Variants in IL1RAPL1 observed in about 807,000 individuals in gnomAD.
The protein encoded by IL1RAPL1 is interleukin-1 receptor accessory protein-like 1.
In IL1RAPL1, 3 loss-of-function variants were observed where a neutral mutation model predicts 48.4. That is an observed-to-expected ratio of 0.06 (90% CI 0.03 to 0.16). The LOEUF is 0.16. Ranked by LOEUF, IL1RAPL1 falls within the 10% of genes least tolerant of loss-of-function variation. The pLI is 1.00. For synonymous variants in IL1RAPL1, 185 were observed against 187.7 expected, an observed-to-expected ratio of 0.99 and a Z score of 0.12; for missense variants, 349 against 530.6, an observed-to-expected ratio of 0.66 and a Z score of 3.36.
intron 6 of IL1RAPL1, among the ~76,000 whole-genome samples, chrX:29,883,477 T>TA (rs199843577): frequency 1.8e-5 from 2 of 111,752 alleles, no homozygotes; most frequent in African/African-American, 3.3e-5. Context: ...TAGACCATTA[T>TA]AAAAAAACAT....
intron 2 of IL1RAPL1, among the ~76,000 whole-genome samples, chrX:29,111,227 G>A (rs998270517): frequency 5.3e-4 from 59 of 111,221 alleles, no homozygotes; most frequent in African/African-American, 1.8e-3. Context: ...AGATAACTGC[G>A]CTTCTGAATT....
At chrX:29,173,239 A>G (rs1258211765) in intron 2 of IL1RAPL1, among the ~76,000 whole-genome samples, 2 of 111,779 alleles carry the variant, frequency 1.8e-5, no homozygotes, top group African/African-American at 3.3e-5. Flanking sequence ...AATCAGTATT[A>G]TTTTTGGATT....
At chrX:29,378,402 T>G (rs1266335493) in intron 3 of IL1RAPL1, among the ~76,000 whole-genome samples, 9 of 111,977 alleles carry the variant, frequency 8.0e-5, no homozygotes, top group Admixed American at 7.6e-4. Context: ...TAAGAAGCAT[T>G]GCTGGGGAGC....
At chrX:28,807,976 G>T (rs780353134) in intron 2 of IL1RAPL1, among the ~76,000 whole-genome samples, 1 of 111,039 alleles carries the variant, frequency 9.0e-6, no homozygotes, top group Non-Finnish European at 1.9e-5. Context: ...AGTAGGAGAA[G>T]CTTCTGAGGC....
intron 6 of IL1RAPL1, among the ~76,000 whole-genome samples, chrX:29,743,841 T>G (rs1928267738): frequency 8.9e-6 from 1 of 112,241 alleles, no homozygotes; most frequent in African/African-American, 3.2e-5. Context: ...TGCTGTTATA[T>G]TAGGTTAGCA....
chrX:28,884,752 A>G (rs1922588887), intron 2 of IL1RAPL1, among the ~76,000 whole-genome samples: 1 of 111,891 alleles, frequency 8.9e-6, no homozygotes, highest in Non-Finnish European at 1.9e-5. Context: ...TTATTATTTT[A>G]TCATTCAGAC....
chrX:28,789,288 T>G, intron 1 of IL1RAPL1, 32 bp from the exon 2 acceptor site: 1 of 839,251 alleles, frequency 1.2e-6, no homozygotes, highest in Non-Finnish European at 1.8e-6. Flanking sequence ...TTAAAACATG[T>G]ATGTTTTTCT....
At chrX:29,382,410 G>C (rs905535762) in intron 3 of IL1RAPL1, among the ~76,000 whole-genome samples, 2 of 111,951 alleles carry the variant, frequency 1.8e-5, no homozygotes, top group Non-Finnish European at 3.8e-5. Flanking sequence ...TGATCTTATA[G>C]TATTGACAGA....
intron 2 of IL1RAPL1, among the ~76,000 whole-genome samples, chrX:29,262,220 T>C (rs1265273457): frequency 8.9e-6 from 1 of 112,732 alleles, no homozygotes; most frequent in Middle Eastern, 4.2e-3. Context: ...GTTACTATTA[T>C]TTTGTTCTAG....
intron 5 of IL1RAPL1, among the ~76,000 whole-genome samples, chrX:29,501,711 A>G (rs1461808695): frequency 9.2e-6 from 1 of 108,174 alleles, no homozygotes; most frequent in African/African-American, 3.4e-5. Flanking sequence ...TTTGGTTACT[A>G]TGTCTTTGTA....
chrX:29,238,369 T>C (rs1931348005), intron 2 of IL1RAPL1, among the ~76,000 whole-genome samples: 1 of 112,112 alleles, frequency 8.9e-6, no homozygotes, highest in Non-Finnish European at 1.9e-5. Flanking sequence ...AGCTACAATG[T>C]TTTCAACATC....
intron 2 of IL1RAPL1, among the ~76,000 whole-genome samples, chrX:29,197,288 G>C (rs5985971): frequency 0.099 from 11,030 of 110,995 alleles, 1,328 homozygotes; most frequent in African/African-American, 0.34. Context: ...TGTAACCAAG[G>C]CTTGATTTAG....
At chrX:28,940,172 C>A (rs1924130072) in intron 2 of IL1RAPL1, among the ~76,000 whole-genome samples, 1 of 111,426 alleles carries the variant, frequency 9.0e-6, no homozygotes, top group Non-Finnish European at 1.9e-5. Flanking sequence ...CCTCTTATTA[C>A]CTTTTCCTCT....
intron 2 of IL1RAPL1, among the ~76,000 whole-genome samples, chrX:28,928,296 C>A (rs1211420397): frequency 8.9e-6 from 1 of 111,854 alleles, no homozygotes; most frequent in Admixed American, 9.6e-5. Flanking sequence ...CTTATTACTT[C>A]TCACCTAGAC....
chrX:29,712,210 T>A (rs1397207671), intron 6 of IL1RAPL1, among the ~76,000 whole-genome samples: 2 of 110,361 alleles, frequency 1.8e-5, no homozygotes, highest in Non-Finnish European at 3.8e-5. Flanking sequence ...ATACCAACTA[T>A]GTAATCACCT....
chrX:29,397,628 A>T (rs1462182241), intron 4 of IL1RAPL1, among the ~76,000 whole-genome samples: 1 of 110,434 alleles, frequency 9.1e-6, no homozygotes, highest in Non-Finnish European at 1.9e-5. Context: ...TCTTATCCTT[A>T]ACCACCCTCA....
intron 5 of IL1RAPL1, among the ~76,000 whole-genome samples, chrX:29,577,590 T>G (rs186786750): frequency 1.8e-5 from 2 of 112,138 alleles, no homozygotes; most frequent in Non-Finnish European, 3.8e-5. Context: ...ATGATATATA[T>G]GAACAAGTTT....
intron 2 of IL1RAPL1, among the ~76,000 whole-genome samples, chrX:28,865,282 A>G (rs192638905): frequency 9.0e-6 from 1 of 110,723 alleles, no homozygotes; most frequent in East Asian, 2.9e-4. Flanking sequence ...TACTAAAAAT[A>G]CAAAAATTAG....
At chrX:29,057,993 C>G (rs1359979713) in intron 2 of IL1RAPL1, among the ~76,000 whole-genome samples, 2 of 111,636 alleles carry the variant, frequency 1.8e-5, no homozygotes, top group Non-Finnish European at 3.8e-5. Flanking sequence ...AAATGACGAC[C>G]AGGACTTAGA....
Sources: allele counts gnomAD v4.1 joint callset (sites outside exome capture counted in the v4.1 genomes callset), GRCh38; gene constraint gnomAD v4.1.1; transcripts MANE v1.5; gene names NCBI Gene and HGNC (gene_info 2026-07-23, HGNC 2026-07-21).